STXBP5L: variants seen among roughly 807,000 people sequenced by gnomAD.
The protein encoded by STXBP5L is syntaxin binding protein 5L, also known as syntaxin-binding protein 5-like.
In STXBP5L, 65 loss-of-function variants were observed where a neutral mutation model predicts 144.5. The ratio of observed to expected loss-of-function variants is 0.45; its 90% CI spans 0.37 to 0.55. The LOEUF is 0.55. Ranked by LOEUF, STXBP5L falls within the 20% of genes least tolerant of loss-of-function variation. The pLI, the probability that STXBP5L is intolerant of heterozygous loss-of-function variation, is 0.00. For missense variants in STXBP5L, 1,298 were observed against 1,405.5 expected, an observed-to-expected ratio of 0.92 and a Z score of 1.22; for synonymous variants, 505 against 469.6, an observed-to-expected ratio of 1.08 and a Z score of -0.97.
chr3:121,040,526 G>C (rs191621449), intron 3 of STXBP5L, among the ~76,000 whole-genome samples: 1 of 152,026 alleles, frequency 6.6e-6, no homozygotes. Context: ...GTCTCAGATA[G>C]TTTCTTCAAA....
chr3:121,060,213 G>T (rs1180169403), intron 5 of STXBP5L, among the ~76,000 whole-genome samples: 1 of 152,096 alleles, frequency 6.6e-6, no homozygotes, highest in East Asian at 1.9e-4. Flanking sequence ...GGCCTTTTCT[G>T]CATCTTTGGA....
At chr3:121,037,922 T>G (rs1466442861) in intron 3 of STXBP5L, among the ~76,000 whole-genome samples, 1 of 152,084 alleles carries the variant, frequency 6.6e-6, no homozygotes, top group Non-Finnish European at 1.5e-5. Flanking sequence ...TCATTTAGAT[T>G]GTCAAATTTA....
At position 121,381,483 on chromosome 3, in the gene STXBP5L, ATTAG is replaced by A. The variant is rs1174722691; in HGVS notation, c.2539_2542del (p.Leu847GlnfsTer21). The A allele has an allele frequency of 3.1e-6, 5 of 1,595,276 alleles. No individual in the cohort carries two copies. Among genetic ancestry groups the A allele is most frequent in the Non-Finnish European group, 4.3e-6 (5 of 1,174,920 alleles). On this transcript the variant is annotated frameshift_variant, in exon 22 of 27. Coordinates refer to ENST00000471454, the MANE Select transcript of STXBP5L (RefSeq NM_001308330.2). LOFTEE classifies it high-confidence loss of function. The stretch of plus-strand genomic sequence containing the variant: ...TGTTAATCATCTCCTTAAACCTACC[ATTAG>A]CAGATGAACAAAGGTTTACAGAGCC...
intron 3 of STXBP5L, among the ~76,000 whole-genome samples, chr3:121,034,908 G>A (rs903783261): frequency 3.3e-5 from 5 of 151,880 alleles, no homozygotes; most frequent in African/African-American, 1.2e-4. Context: ...TCTAATAATA[G>A]TCATTCTGAC....
At chr3:121,110,381 T>C (rs2043923033) in intron 5 of STXBP5L, among the ~76,000 whole-genome samples, 1 of 152,192 alleles carries the variant, frequency 6.6e-6, no homozygotes, top group Admixed American at 6.5e-5. Context: ...TTTGTTTTCA[T>C]ATTTAGTGCT....
chr3:121,152,409 A>T, intron 7 of STXBP5L, 68 bp from the exon 8 acceptor site: 1 of 1,183,134 alleles, frequency 8.5e-7, no homozygotes, highest in Non-Finnish European at 1.2e-6. Context: ...TATTAACATT[A>T]AACTTTATTT....
intron 10 of STXBP5L, among the ~76,000 whole-genome samples, chr3:121,207,652 C>G (rs1472674393): frequency 6.6e-6 from 1 of 151,980 alleles, no homozygotes; most frequent in Non-Finnish European, 1.5e-5. Context: ...ATCAAACAAC[C>G]CCATCAAAAA....
At chr3:121,011,868 A>G (rs1054572237) in intron 3 of STXBP5L, among the ~76,000 whole-genome samples, 1 of 151,840 alleles carries the variant, frequency 6.6e-6, no homozygotes, top group Non-Finnish European at 1.5e-5. Context: ...TGATTTTGGT[A>G]TGTTCACGGG....
chr3:121,317,360 A>C (rs2043819859), intron 19 of STXBP5L, among the ~76,000 whole-genome samples: 1 of 152,198 alleles, frequency 6.6e-6, no homozygotes, highest in Admixed American at 6.5e-5. Flanking sequence ...ACTTTGAATA[A>C]ATAGCTTAAA....
chr3:121,287,298 T>A (rs946174235), intron 19 of STXBP5L, among the ~76,000 whole-genome samples: 9 of 152,144 alleles, frequency 5.9e-5, no homozygotes, highest in African/African-American at 1.9e-4. Flanking sequence ...AGGTAAATAG[T>A]CTTTATTCAC....
chr3:121,092,627 C>T (rs531356687), intron 5 of STXBP5L, among the ~76,000 whole-genome samples: 1 of 152,290 alleles, frequency 6.6e-6, no homozygotes, highest in East Asian at 1.9e-4. Context: ...ATTTTGCATC[C>T]TGAGACTTTG....
intron 18 of STXBP5L, among the ~76,000 whole-genome samples, chr3:121,278,133 A>G (rs2050941905): frequency 6.6e-6 from 1 of 151,880 alleles, no homozygotes; most frequent in African/African-American, 2.4e-5. Context: ...TCTCTCTTTG[A>G]GTTCTAGTTT....
At chr3:121,009,787 G>A (rs137950212) in intron 3 of STXBP5L, among the ~76,000 whole-genome samples, 146 of 151,806 alleles carry the variant, frequency 9.6e-4, no homozygotes, top group African/African-American at 3.3e-3. Context: ...GGATCGTAAT[G>A]TTTTTTTCTA....
intron 5 of STXBP5L, among the ~76,000 whole-genome samples, chr3:121,093,196 G>A (rs565843419): frequency 6.6e-6 from 1 of 152,110 alleles, no homozygotes; most frequent in South Asian, 2.1e-4. Flanking sequence ...GAGGATTTTT[G>A]CATCAATGTT....
At chr3:121,086,731 A>T (rs1001876045) in intron 5 of STXBP5L, among the ~76,000 whole-genome samples, 13 of 152,082 alleles carry the variant, frequency 8.5e-5, no homozygotes, top group Non-Finnish European at 1.5e-4. Context: ...TTTGAGTGTC[A>T]TGTTAATGCT....
intron 18 of STXBP5L, among the ~76,000 whole-genome samples, chr3:121,278,744 A>T (rs953890181): frequency 4.6e-5 from 7 of 151,916 alleles, no homozygotes; most frequent in Admixed American, 2.0e-4. Flanking sequence ...GCCAAGCAAG[A>T]TTCATTAATT....
At chr3:121,099,226 G>T (rs996994444) in intron 5 of STXBP5L, 3 of 152,198 alleles carry the variant, frequency 2.0e-5, no homozygotes, top group African/African-American at 7.2e-5. Flanking sequence ...ATTGGTATCA[G>T]GGTTCAGTGA....
chr3:121,276,562 T>C (rs897811044), intron 18 of STXBP5L, among the ~76,000 whole-genome samples: 9 of 152,090 alleles, frequency 5.9e-5, no homozygotes, highest in African/African-American at 1.7e-4. Context: ...CCTTCAGCTT[T>C]TGTTTTTTTG....
chr3:121,198,202 G>A (rs1036928155), intron 9 of STXBP5L, among the ~76,000 whole-genome samples: 5 of 152,166 alleles, frequency 3.3e-5, no homozygotes, highest in African/African-American at 7.2e-5. Flanking sequence ...GCGTGAGATG[G>A]TATCTCATTG....
Sources: allele counts gnomAD v4.1 joint callset (sites outside exome capture counted in the v4.1 genomes callset), GRCh38; gene constraint gnomAD v4.1.1; transcripts MANE v1.5; gene names NCBI Gene and HGNC (gene_info 2026-07-23, HGNC 2026-07-21).